The following OPRM1 variants were observed in gnomAD, a reference collection of about 807,000 sequenced individuals.
OPRM1 encodes the protein mu-type opioid receptor.
In OPRM1, 27 loss-of-function variants were observed where a neutral mutation model predicts 31.8. The ratio of observed to expected loss-of-function variants is 0.85; its 90% CI spans 0.63 to 1.17. The LOEUF is 1.17. Among genes scored for constraint, OPRM1 ranks in the 50% most tolerant of loss-of-function variants. The pLI is 0.00. For synonymous variants in OPRM1, 196 were observed against 189.9 expected (o/e 1.03, Z -0.26); for missense variants, 536 against 511.1 (o/e 1.05, Z -0.47).
At chr6:154,078,184 G>A (rs1280408055) in intron 1 of OPRM1, among the ~76,000 whole-genome samples, 2 of 151,948 alleles carry the variant, frequency 1.3e-5, no homozygotes, top group Non-Finnish European at 2.9e-5. Flanking sequence ...TTCTTCCTCA[G>A]TTCCATGCTT....
intron 1 of OPRM1, among the ~76,000 whole-genome samples, chr6:154,048,210 C>T (rs1015560111): frequency 1.3e-5 from 2 of 152,182 alleles, no homozygotes; most frequent in African/African-American, 4.8e-5. Context: ...TTAACGTTTA[C>T]GTAAATTAGG....
At chr6:154,019,117 T>A (rs982009831) in intron 1 of OPRM1, among the ~76,000 whole-genome samples, 1 of 151,568 alleles carries the variant, frequency 6.6e-6, no homozygotes, top group Non-Finnish European at 1.5e-5. Flanking sequence ...ACAATCCAAT[T>A]ACATTATTTT....
chr6:154,141,232 C>T (rs772870196), intron 3 of OPRM1, among the ~76,000 whole-genome samples: 16 of 152,168 alleles, frequency 1.1e-4, no homozygotes, highest in South Asian at 2.1e-4. Flanking sequence ...ACATGGGCAG[C>T]GCGTGTTAAT....
In OPRM1 at chr6:154,126,750, G is replaced by T. The variant is rs1039517236; in HGVS notation, c.*8029G>T. 1.3e-5 allele frequency among the ~76,000 whole-genome samples: 2 copies of T among 152,098 alleles called. No homozygotes were observed. Among genetic ancestry groups the T allele is most frequent in the Non-Finnish European group, 2.9e-5 (2 of 68,016 alleles). On this transcript the variant is annotated 3_prime_UTR_variant, in exon 4 of 4. Coordinates refer to ENST00000330432, the MANE Select transcript of OPRM1 (RefSeq NM_000914.5). Reference sequence around the variant, plus strand: ...GTACAGCCTTCAGTAATGCCTCAAAGGTTCTCCAAGCAGAGGTAAACATGT... The same window carrying T: ...GTACAGCCTTCAGTAATGCCTCAAATGTTCTCCAAGCAGAGGTAAACATGT...
chr6:154,145,526 C>T (rs1456561763), intron 3 of OPRM1, among the ~76,000 whole-genome samples: 2 of 152,230 alleles, frequency 1.3e-5, no homozygotes, highest in Non-Finnish European at 2.9e-5. Context: ...GAGAGACATA[C>T]ATTGTTCATA....
intron 3 of OPRM1, among the ~76,000 whole-genome samples, chr6:154,138,587 A>G (rs1176149678): frequency 6.6e-6 from 1 of 152,210 alleles, no homozygotes; most frequent in Non-Finnish European, 1.5e-5. Flanking sequence ...ATTATGACGG[A>G]GACAGAGAAA....
At chr6:154,156,150 G>A (rs966252751) in intron 3 of OPRM1, 4 of 152,232 alleles carry the variant, frequency 2.6e-5, no homozygotes, top group Non-Finnish European at 5.9e-5. Flanking sequence ...AGAAAAGAAA[G>A]GAAACACAGC....
intron 3 of OPRM1, among the ~76,000 whole-genome samples, chr6:154,174,041 T>C (rs976979489): frequency 2.0e-5 from 3 of 152,180 alleles, no homozygotes; most frequent in Admixed American, 2.0e-4. Flanking sequence ...GGAAAGAATT[T>C]CCAACCCAGA....
In OPRM1 at chr6:154,119,090, A is replaced by C; in HGVS notation, c.*369A>C. Reference sequence around the variant, plus strand: ...AACAAAGAAGAACCATCTTTTGTTAAGTTCACCGTAGTAACACATAAAGTA... The same window carrying C: ...AACAAAGAAGAACCATCTTTTGTTACGTTCACCGTAGTAACACATAAAGTA... On this transcript the variant is annotated 3_prime_UTR_variant, in exon 4 of 4. Coordinates refer to ENST00000330432, the MANE Select transcript of OPRM1 (RefSeq NM_000914.5). 9.9e-7 allele frequency: 1 copy of C among 1,012,470 alleles called. No homozygotes were observed. Among genetic ancestry groups the C allele is most frequent in the Non-Finnish European group, 1.2e-6 (1 of 847,208 alleles). 62.7% of individuals were successfully genotyped at this position (1,012,470 alleles called of 1,614,324 possible).
At chr6:154,146,630 G>A (rs1240853543) in intron 3 of OPRM1, among the ~76,000 whole-genome samples, 1 of 152,130 alleles carries the variant, frequency 6.6e-6, no homozygotes, top group Admixed American at 6.5e-5. Context: ...GACAAGTTAG[G>A]GAAAAGAGCA....
At chr6:154,236,083 G>T (rs1005084777) in intron 3 of OPRM1, among the ~76,000 whole-genome samples, 4 of 152,148 alleles carry the variant, frequency 2.6e-5, no homozygotes, top group African/African-American at 9.7e-5. Context: ...TGAAAGCAGA[G>T]TCTCATCTCT....
chr6:154,242,361 C>T (rs561195414), intron 3 of OPRM1, among the ~76,000 whole-genome samples: 4 of 152,276 alleles, frequency 2.6e-5, no homozygotes, highest in Non-Finnish European at 5.9e-5. Flanking sequence ...CAAAATCAGT[C>T]CTTACACATG....
At chr6:154,054,654 C>T (rs1015091460) in intron 1 of OPRM1, among the ~76,000 whole-genome samples, 3 of 152,148 alleles carry the variant, frequency 2.0e-5, no homozygotes, top group Non-Finnish European at 4.4e-5. Flanking sequence ...TGCAGAAAAG[C>T]GAAAGCTCAG....
chr6:154,090,667 T>A (rs1229711702), intron 2 of OPRM1, among the ~76,000 whole-genome samples: 1 of 152,220 alleles, frequency 6.6e-6, no homozygotes, highest in African/African-American at 2.4e-5. Flanking sequence ...ATAGACCTCA[T>A]GGAGGATCTA....
At chr6:154,229,451 G>A (rs1010236483) in intron 3 of OPRM1, among the ~76,000 whole-genome samples, 40 of 146,836 alleles carry the variant, frequency 2.7e-4, no homozygotes, top group African/African-American at 9.6e-4. Context: ...CTGGGTTCAC[G>A]CCATTCTCCC....
At chr6:154,108,918 C>T (rs2128514482) in intron 3 of OPRM1, 1 of 984,988 alleles carries the variant, frequency 1.0e-6, no homozygotes, top group East Asian at 1.1e-4. Context: ...GTCCAAAAAT[C>T]CAACTATAGA....
At chr6:154,243,137 A>G (rs139952058) in intron 3 of OPRM1, among the ~76,000 whole-genome samples, 3 of 152,338 alleles carry the variant, frequency 2.0e-5, no homozygotes, top group Non-Finnish European at 4.4e-5. Flanking sequence ...AGGAATTGAA[A>G]GAAGTGCCAT....
rs762605739 is a variant in OPRM1 at position 154,091,131 on chromosome 6, A to G, written c.823A>G (p.Arg275Gly). 3.1e-6 allele frequency: 5 copies of G among 1,614,228 alleles called. No homozygotes were observed. The South Asian group carries it at 5.5e-5, about 18-fold the overall frequency. Residue 275 changes from arginine to glycine, a missense_variant, in exon 3 of 4, where the codon AGG (arginine) becomes GGG (glycine). Physicochemically the swap from Arg to Gly is moderately radical, Grantham distance 125. Coordinates refer to ENST00000330432, the MANE Select transcript of OPRM1 (RefSeq NM_000914.5). ...RMLSGSKEKD[R>G]NLRRITRMVL... ...GCTCTCTGGCTCCAAAGAAAAGGACAGGAATCTTCGAAGGATCACCAGGAT... is the reference window on the plus strand; with the variant it reads ...GCTCTCTGGCTCCAAAGAAAAGGACGGGAATCTTCGAAGGATCACCAGGAT...
At chr6:154,028,663 A>G (rs1039792818) in intron 1 of OPRM1, among the ~76,000 whole-genome samples, 5 of 152,194 alleles carry the variant, frequency 3.3e-5, no homozygotes, top group African/African-American at 1.2e-4. Flanking sequence ...CCCTCTGGCT[A>G]GGGCTGGGTT....
Sources: allele counts gnomAD v4.1 joint callset (sites outside exome capture counted in the v4.1 genomes callset), GRCh38; gene constraint gnomAD v4.1.1; transcripts MANE v1.5; gene names NCBI Gene and HGNC (gene_info 2026-07-23, HGNC 2026-07-21).